Variants in EDIL3 observed in about 807,000 individuals in gnomAD.
EDIL3 encodes EGF-like repeat and discoidin I-like domain-containing protein 3.
A neutral mutation model predicts 67.4 loss-of-function variants in EDIL3; 37 were observed. The observed-to-expected ratio is 0.55, with a 90% CI of 0.42 to 0.72. The LOEUF (loss-of-function observed/expected upper bound fraction) is 0.72, where lower values mean the gene tolerates loss of function less well. EDIL3 is among the 30% of genes least tolerant of loss of function. EDIL3 has a pLI of 0.00. For synonymous variants in EDIL3, 195 were observed against 196.3 expected, an observed-to-expected ratio of 0.99 and a Z score of 0.05; for missense variants, 527 against 586.3, an observed-to-expected ratio of 0.90 and a Z score of 1.04.
At chr5:84,259,133 G>C (rs1002052472) in intron 1 of EDIL3, among the ~76,000 whole-genome samples, 1 of 151,884 alleles carries the variant, frequency 6.6e-6, no homozygotes, top group African/African-American at 2.4e-5. Context: ...CTAATTTTCT[G>C]TATTTTTAGT....
intron 3 of EDIL3, among the ~76,000 whole-genome samples, chr5:84,226,158 G>A (rs965982470): frequency 6.6e-6 from 1 of 151,448 alleles, no homozygotes; most frequent in African/African-American, 2.4e-5. Flanking sequence ...TTTTTTTCTG[G>A]CAAACAAAAG....
At chr5:84,272,022 C>A (rs1020511748) in intron 1 of EDIL3, among the ~76,000 whole-genome samples, 1 of 152,034 alleles carries the variant, frequency 6.6e-6, no homozygotes, top group African/African-American at 2.4e-5. Flanking sequence ...GAACTACTGA[C>A]AATGTAATGA....
chr5:84,068,145 T>A (rs1262419944), intron 6 of EDIL3, among the ~76,000 whole-genome samples: 1 of 152,236 alleles, frequency 6.6e-6, no homozygotes, highest in East Asian at 1.9e-4. Flanking sequence ...AAAGAGGGAA[T>A]GTTTGAAAGA....
intron 4 of EDIL3, among the ~76,000 whole-genome samples, chr5:84,173,845 C>T (rs185462409): frequency 6.6e-6 from 1 of 152,282 alleles, no homozygotes; most frequent in East Asian, 1.9e-4. Context: ...TTGCAGGGCA[C>T]TCCTCCGGGA....
chr5:84,086,228 A>T (rs1042525543), intron 6 of EDIL3, among the ~76,000 whole-genome samples: 2 of 152,192 alleles, frequency 1.3e-5, no homozygotes, highest in Non-Finnish European at 2.9e-5. Flanking sequence ...GACCTCCTGC[A>T]GCTAGCTCAG....
chr5:84,233,758 T>G (rs1472463098), intron 2 of EDIL3, among the ~76,000 whole-genome samples: 1 of 152,126 alleles, frequency 6.6e-6, no homozygotes, highest in Non-Finnish European at 1.5e-5. Context: ...TCCTCACTCT[T>G]CTCAGAAAGT....
intron 3 of EDIL3, among the ~76,000 whole-genome samples, chr5:84,217,793 T>G (rs1744261918): frequency 6.6e-6 from 1 of 151,382 alleles, no homozygotes; most frequent in African/African-American, 2.4e-5. Flanking sequence ...TCTGGAGAAC[T>G]GTAGAACCCT....
At chr5:84,171,176 A>G (rs1748805480) in intron 4 of EDIL3, among the ~76,000 whole-genome samples, 1 of 152,136 alleles carries the variant, frequency 6.6e-6, no homozygotes, top group African/African-American at 2.4e-5. Context: ...TGCATCTAAC[A>G]TTTTTGTTCA....
At chr5:83,971,025 T>G (rs1192036945) in intron 9 of EDIL3, among the ~76,000 whole-genome samples, 1 of 151,630 alleles carries the variant, frequency 6.6e-6, no homozygotes, top group Non-Finnish European at 1.5e-5. Flanking sequence ...GGTTTTTTTT[T>G]GTAATATTTT....
At chr5:84,176,198 A>AATATATATATATATATAAT (rs1748903610) in intron 4 of EDIL3, among the ~76,000 whole-genome samples, 1 of 77,268 alleles carries the variant, frequency 1.3e-5, no homozygotes, top group Non-Finnish European at 2.9e-5. Flanking sequence ...ATATATATAT[A>AATATATATATATATATAAT]ATATATATAT....
chr5:84,119,327 C>T (rs1471609461), intron 5 of EDIL3, among the ~76,000 whole-genome samples: 5 of 145,384 alleles, frequency 3.4e-5, no homozygotes, highest in African/African-American at 5.1e-5. Context: ...TACATAAGCA[C>T]GATTATTAAT....
intron 3 of EDIL3, among the ~76,000 whole-genome samples, chr5:84,207,573 G>T (rs1232545485): frequency 6.6e-6 from 1 of 151,550 alleles, no homozygotes; most frequent in East Asian, 1.9e-4. Flanking sequence ...AACCAAAAAA[G>T]AGCCCGCATC....
At chr5:84,200,550 G>A (rs1743809587) in intron 3 of EDIL3, among the ~76,000 whole-genome samples, 2 of 152,054 alleles carry the variant, frequency 1.3e-5, no homozygotes, top group East Asian at 3.9e-4. Context: ...GATAATATTT[G>A]ATGGGGTTTC....
rs779296121 is a variant in EDIL3, at chr5:84,060,281, CA to C, written c.1137+18del. On this transcript the variant is annotated intron_variant, in intron 9 of 10. Transcript: ENST00000296591. ...GAAAGAGGAACAGTGGGTAGTGAAA[CA>C]GTTTTGGAAAACTTTACCTGTAACC... The C allele has an allele frequency of 1.2e-6, 2 of 1,609,782 alleles. No individual in the cohort carries two copies. The highest frequency in any genetic ancestry group is 2.2e-5 in the South Asian group (2 of 90,866).
chr5:84,179,346 T>C (rs1748975266), intron 4 of EDIL3, among the ~76,000 whole-genome samples: 1 of 152,176 alleles, frequency 6.6e-6, no homozygotes, highest in Non-Finnish European at 1.5e-5. Flanking sequence ...TTGTTGGTGA[T>C]CTGAGCTTTT....
chr5:84,285,091 T>C (rs1362841769), intron 1 of EDIL3, among the ~76,000 whole-genome samples: 1 of 152,204 alleles, frequency 6.6e-6, no homozygotes, highest in African/African-American at 2.4e-5. Context: ...TGATTATATT[T>C]GAACCATATA....
rs146027124 is a variant in EDIL3, at chr5:84,308,214, T to C, written c.68-54002A>G. ...TCTAGTGGCTAACAGGTCCTCTTAA[T>C]TGCTGGTCTTTATTACAAATAAATT... On this transcript the variant is annotated intron_variant, in intron 1 of 10. Coordinates refer to ENST00000296591, the MANE Select transcript of EDIL3 (RefSeq NM_005711.5). 5.4e-3 allele frequency among the ~76,000 whole-genome samples: 828 copies of C among 152,270 alleles called. 5 individuals are homozygous for C. The highest frequency in any genetic ancestry group is 0.018 in the African/African-American group (738 of 41,548).
intron 1 of EDIL3, among the ~76,000 whole-genome samples, chr5:84,297,893 T>G (rs1746083323): frequency 6.6e-6 from 1 of 152,128 alleles, no homozygotes; most frequent in African/African-American, 2.4e-5. Context: ...AGCCCTGGAT[T>G]CTATCCAAGC....
At chr5:84,121,074 A>C (rs575427507) in intron 5 of EDIL3, among the ~76,000 whole-genome samples, 1 of 151,904 alleles carries the variant, frequency 6.6e-6, no homozygotes, top group Non-Finnish European at 1.5e-5. Flanking sequence ...TGTCTACAGT[A>C]TACGTTATCT....
Sources: allele counts gnomAD v4.1 joint callset (sites outside exome capture counted in the v4.1 genomes callset), GRCh38; gene constraint gnomAD v4.1.1; transcripts MANE v1.5; gene names NCBI Gene and HGNC (gene_info 2026-07-23, HGNC 2026-07-21).